PCDHGA5: variants seen among roughly 807,000 people sequenced by gnomAD.
The protein encoded by PCDHGA5 is protocadherin gamma-A5.
Under a neutral mutation model 56.7 loss-of-function variants are expected in PCDHGA5, and 36 were observed. That is an observed-to-expected ratio of 0.64 (90% CI 0.49 to 0.84). The LOEUF (loss-of-function observed/expected upper bound fraction) is 0.84. Ranked by LOEUF, PCDHGA5 falls within the 40% of genes least tolerant of loss-of-function variation. The pLI, the probability that PCDHGA5 is intolerant of heterozygous loss-of-function variation, is 0.00. For synonymous variants in PCDHGA5, 563 were observed against 520.2 expected (o/e 1.08, Z -1.12); for missense variants, 1,305 against 1,201.5 (o/e 1.09, Z -1.27).
chr5:141,380,233 G>A (rs1035611474), intron 1 of PCDHGA5, among the ~76,000 whole-genome samples: 49 of 152,114 alleles, frequency 3.2e-4, no homozygotes, highest in Non-Finnish European at 7.1e-4. Context: ...GGCTTCTGTT[G>A]AGGTGGCAAT....
chr5:141,478,116 C>T (rs145816520), intron 1 of PCDHGA5: 1 of 1,613,974 alleles, frequency 6.2e-7, no homozygotes, highest in Non-Finnish European at 8.5e-7. Flanking sequence ...GTGTCAGTAA[C>T]CGAGGACTCT....
chr5:141,489,354 G>A lies in PCDHGA5; in HGVS notation c.2422-5453G>A, dbSNP rs773010251. On this transcript the variant is annotated intron_variant, in intron 1 of 3. Coordinates refer to ENST00000518069, the MANE Select transcript of PCDHGA5 (RefSeq NM_018918.3). The surrounding 1 kb of genome is among the most constrained non-coding windows in gnomAD (Gnocchi z 4.5). ...AGCTTCGTTACTCAGTGGTGGAGGA[G>A]TCTGAGCCGGGGACGCTGGTGGGGA... The A allele has an allele frequency of 1.2e-5, 19 of 1,612,796 alleles. No homozygotes were observed. Among genetic ancestry groups the A allele is most frequent in the East Asian group, 2.2e-5 (1 of 44,868 alleles).
In PCDHGA5 at chr5:141,413,451, C is replaced by T. The variant is rs1561742650; in HGVS notation, c.2421+46700C>T. 6.2e-6 allele frequency: 10 copies of T among 1,614,118 alleles called. No homozygotes were observed. The South Asian group carries it at 1.1e-4, about 18-fold the overall frequency. ...GCAGCGGCAGCTTGATCACCGCGGGCAGGATAGACCGGGAGGAGCTCTGCG... is the reference window on the plus strand; with the variant it reads ...GCAGCGGCAGCTTGATCACCGCGGGTAGGATAGACCGGGAGGAGCTCTGCG... On this transcript the variant is annotated intron_variant, in intron 1 of 3. Transcript: ENST00000518069.
rs749086929 is a variant in PCDHGA5, at chr5:141,485,998, T to A, written c.2422-8809T>A. ...CAGACCCGGACCTGGGTCCCAGTGG[T>A]AACGTCACCTTTTATTTCAGTGGTC... On this transcript the variant is annotated intron_variant, in intron 1 of 3. Transcript: ENST00000518069. The surrounding 1 kb of genome is among the most constrained non-coding windows in gnomAD (Gnocchi z 5.7). 2.4e-5 allele frequency: 38 copies of A among 1,614,068 alleles called. No individual in the cohort carries two copies. Among genetic ancestry groups the A allele is most frequent in the Non-Finnish European group, 3.1e-5 (37 of 1,180,046 alleles).
intron 1 of PCDHGA5, chr5:141,418,485 A>T: frequency 6.2e-7 from 1 of 1,614,028 alleles, no homozygotes; most frequent in Non-Finnish European, 8.5e-7. Flanking sequence ...AGCGCTCACC[A>T]CTTGGTACTG....
intron 1 of PCDHGA5, chr5:141,372,531 C>G (rs767186429): frequency 6.2e-7 from 1 of 1,614,032 alleles, no homozygotes; most frequent in Admixed American, 1.7e-5. Context: ...GGCAATCTCC[C>G]TGCGCCTGCG....
At chr5:141,389,514 G>C (rs1030106901) in intron 1 of PCDHGA5, 2 of 1,613,132 alleles carry the variant, frequency 1.2e-6, no homozygotes, top group Non-Finnish European at 1.7e-6. Flanking sequence ...CAGCGCGAAC[G>C]TGAGCCTGCG....
chr5:141,460,414 T>G (rs1289935272), intron 1 of PCDHGA5, among the ~76,000 whole-genome samples: 1 of 152,216 alleles, frequency 6.6e-6, no homozygotes, highest in Non-Finnish European at 1.5e-5. Context: ...GAGTTGATGT[T>G]TATGTATGGT....
At chr5:141,389,822 C>A in intron 1 of PCDHGA5, 3 of 1,613,932 alleles carry the variant, frequency 1.9e-6, no homozygotes, top group Middle Eastern at 1.6e-4. Context: ...CCGTGCGTGA[C>A]GGTGGACAGC....
intron 2 of PCDHGA5, among the ~76,000 whole-genome samples, chr5:141,502,834 A>G (rs1398558120): frequency 6.7e-6 from 1 of 149,378 alleles, no homozygotes; most frequent in Non-Finnish European, 1.5e-5. Flanking sequence ...GGAAGCCTGG[A>G]CTGGCTGAGC....
intron 1 of PCDHGA5, among the ~76,000 whole-genome samples, chr5:141,401,851 T>C (rs902809229): frequency 3.9e-5 from 6 of 152,242 alleles, no homozygotes; most frequent in African/African-American, 1.4e-4. Context: ...CACTTACTTT[T>C]AACCTTTCAG....
chr5:141,399,036 G>A, intron 1 of PCDHGA5: 1 of 1,613,800 alleles, frequency 6.2e-7, no homozygotes, highest in African/African-American at 1.3e-5. Context: ...AAAAGAAACT[G>A]GATTTTGAAG....
chr5:141,445,305 T>C (rs899306819), intron 1 of PCDHGA5, among the ~76,000 whole-genome samples: 2 of 152,204 alleles, frequency 1.3e-5, no homozygotes, highest in Non-Finnish European at 1.5e-5. Context: ...TCTCTTCAGT[T>C]TGTAGGTTGA....
intron 1 of PCDHGA5, chr5:141,409,931 A>G: frequency 1.2e-6 from 2 of 1,613,260 alleles, no homozygotes; most frequent in Non-Finnish European, 1.7e-6. Flanking sequence ...GTTCTTCGAT[A>G]TGGTACCTCG....
chr5:141,460,026 C>T (rs565259315), intron 1 of PCDHGA5, among the ~76,000 whole-genome samples: 36 of 152,090 alleles, frequency 2.4e-4, no homozygotes, highest in Non-Finnish European at 3.2e-4. Flanking sequence ...TGCAGTGAGC[C>T]GAGACTGCAC....
At chr5:141,388,685 G>A (rs2091454291) in intron 1 of PCDHGA5, 5 of 1,613,932 alleles carry the variant, frequency 3.1e-6, no homozygotes, top group East Asian at 2.2e-5. Flanking sequence ...TGACTGCCAC[G>A]GACCAGGATG....
chr5:141,410,447 C>A, intron 1 of PCDHGA5: 1 of 1,613,984 alleles, frequency 6.2e-7, no homozygotes, highest in Non-Finnish European at 8.5e-7. Context: ...GGGGACTTTG[C>A]CTTATTCTTA....
intron 1 of PCDHGA5, chr5:141,392,879 G>T: frequency 1.2e-6 from 2 of 1,613,512 alleles, no homozygotes; most frequent in East Asian, 2.2e-5. Flanking sequence ...TGCTGGGAAC[G>T]CTGTGGGAAA....
chr5:141,383,319 A>T, intron 1 of PCDHGA5: 2 of 1,614,020 alleles, frequency 1.2e-6, no homozygotes, highest in Non-Finnish European at 1.7e-6. Context: ...AAATAAATGT[A>T]AAAATAATGG....
Sources: gnomAD v4.1 joint callset for allele counts (sites outside exome capture counted in the v4.1 genomes callset) on GRCh38, gnomAD v4.1.1 for gene constraint, Gnocchi (gnomAD v3.1) non-coding constraint, MANE v1.5 for transcripts, NCBI Gene and HGNC (gene_info 2026-07-23, HGNC 2026-07-21) for gene names.